CHD1: variants seen among roughly 807,000 people sequenced by gnomAD.
CHD1 encodes the protein ATP-dependent chromatin remodeler CHD1.
Under a neutral mutation model 224.2 loss-of-function variants are expected in CHD1, and 36 were observed. The observed-to-expected ratio is 0.16, with a 90% confidence interval of 0.12 to 0.21. CHD1 has a LOEUF of 0.21. CHD1 is among the 10% of genes least tolerant of loss of function. CHD1 has a pLI of 1.00. For missense variants in CHD1, 1,378 were observed against 1,994.8 expected, an observed-to-expected ratio of 0.69 and a Z score of 5.89; for synonymous variants, 668 against 658.3, an observed-to-expected ratio of 1.01 and a Z score of -0.23.
chr5:98,867,024 C>CG (rs1748925853), intron 31 of CHD1, among the ~76,000 whole-genome samples: 1 of 152,076 alleles, frequency 6.6e-6, no homozygotes, highest in Non-Finnish European at 1.5e-5. Flanking sequence ...TTACATGTAC[C>CG]AATTCATTTA....
At chr5:98,892,474 G>T in intron 15 of CHD1, 51 bp downstream of exon 15, 1 of 1,375,690 alleles carries the variant, frequency 7.3e-7, no homozygotes. Context: ...ACACAGACAT[G>T]GAAGGTTTTC....
rs201667770 is a variant in CHD1, at chr5:98,894,690, T to G, written c.1711-4A>C. The G allele has an allele frequency of 3.3e-4, 452 of 1,381,902 alleles. No individual in the cohort carries two copies. Among genetic ancestry groups the G allele is most frequent in the Non-Finnish European group, 4.3e-4 (429 of 999,524 alleles). 85.6% of individuals were successfully genotyped at this position (1,381,902 alleles called of 1,614,324 possible). On this transcript the variant is annotated splice_region_variant and splice_polypyrimidine_tract_variant and intron_variant, in intron 12 of 35. Coordinates refer to ENST00000614616, the MANE Select transcript of CHD1 (RefSeq NM_001270.4). ...GCGTCCATTCATGAGTTCTTATCTA[T>G]TAAGAAATTTGAAGGACAATTTTTA...
At chr5:98,896,757 A>C (rs1194767759) in intron 11 of CHD1, among the ~76,000 whole-genome samples, 1 of 149,358 alleles carries the variant, frequency 6.7e-6, no homozygotes, top group Admixed American at 6.8e-5. Context: ...CAGATATATT[A>C]AATAAGTAAA....
chr5:98,871,678 C>T (rs969701248), intron 28 of CHD1, among the ~76,000 whole-genome samples: 1 of 151,986 alleles, frequency 6.6e-6, no homozygotes, highest in Admixed American at 6.6e-5. Flanking sequence ...ATAAATGTTC[C>T]AGTTACCCTG....
chr5:98,899,186 G>C (rs1751531077), intron 8 of CHD1, among the ~76,000 whole-genome samples: 1 of 152,110 alleles, frequency 6.6e-6, no homozygotes, highest in Non-Finnish European at 1.5e-5. Context: ...ATCATCTCTA[G>C]ATGTTCTTAT....
At chr5:98,863,117 T>C (rs1748597832) in intron 32 of CHD1, among the ~76,000 whole-genome samples, 1 of 152,136 alleles carries the variant, frequency 6.6e-6, no homozygotes, top group African/African-American at 2.4e-5. Flanking sequence ...AATAATTTGG[T>C]AAATTGCAAA....
intron 15 of CHD1, chr5:98,889,834 G>A (rs1340809391): frequency 6.6e-6 from 1 of 151,970 alleles, no homozygotes; most frequent in Non-Finnish European, 1.5e-5. Flanking sequence ...CCATATTTTT[G>A]TATATATATC....
chr5:98,866,522 A>G (rs944476834), intron 31 of CHD1, among the ~76,000 whole-genome samples: 14 of 152,154 alleles, frequency 9.2e-5, no homozygotes, highest in Non-Finnish European at 1.8e-4. Flanking sequence ...AATGGGTTGA[A>G]AACAAATATA....
chr5:98,877,652 A>G (rs1178698723), intron 23 of CHD1, among the ~76,000 whole-genome samples: 1 of 152,230 alleles, frequency 6.6e-6, no homozygotes, highest in Non-Finnish European at 1.5e-5. Flanking sequence ...AGTTAAATGA[A>G]GTAAAAAATG....
At chr5:98,891,755 G>A (rs1187443555) in intron 15 of CHD1, among the ~76,000 whole-genome samples, 1 of 152,178 alleles carries the variant, frequency 6.6e-6, no homozygotes, top group Non-Finnish European at 1.5e-5. Flanking sequence ...AGGTTGCAGT[G>A]AGCCAAGATT....
chr5:98,878,622 C>T (rs556619724), intron 23 of CHD1, among the ~76,000 whole-genome samples: 1 of 152,202 alleles, frequency 6.6e-6, no homozygotes, highest in African/African-American at 2.4e-5. Flanking sequence ...ACTGAATAAA[C>T]ACCAACAAAT....
At chr5:98,882,457 C>T (rs529141595) in intron 19 of CHD1, among the ~76,000 whole-genome samples, 1 of 151,186 alleles carries the variant, frequency 6.6e-6, no homozygotes, top group South Asian at 2.1e-4. Context: ...CCTTCTTATA[C>T]TCGTTGCCTT....
Position 98,903,747 on chromosome 5 carries a change from G to A in CHD1, c.372+45C>T, listed in dbSNP as rs1288592119. On this transcript the variant is annotated intron_variant, in intron 4 of 35. Transcript: ENST00000614616. The stretch of plus-strand genomic sequence containing the variant: ...TCACAAATACTAGTTAACTGATTCA[G>A]CAGCATGTCCACTTTTAAAATAATA... 3.2e-6 allele frequency: 4 copies of A among 1,264,450 alleles called. No homozygotes were observed. In the African/African-American group the frequency reaches 4.4e-5, roughly 14 times the overall value. 78.3% of individuals were successfully genotyped at this position (1,264,450 alleles called of 1,614,324 possible).
chr5:98,864,523 A>G, intron 31 of CHD1, among the ~76,000 whole-genome samples: 1 of 132,392 alleles, frequency 7.6e-6, no homozygotes, highest in South Asian at 2.4e-4. Context: ...ATACCAAAAA[A>G]AAAAAAAAAA....
chr5:98,924,585 T>C (rs1023269143), intron 2 of CHD1, among the ~76,000 whole-genome samples: 1 of 152,240 alleles, frequency 6.6e-6, no homozygotes, highest in Non-Finnish European at 1.5e-5. Context: ...CTGCTTTCCA[T>C]AACTGTTCCT....
chr5:98,883,844 TA>T (rs1561507383), intron 18 of CHD1: 8 of 47,698 alleles, frequency 1.7e-4, no homozygotes, highest in African/African-American at 4.0e-4. Flanking sequence ...TATATATATA[TA>T]TATATATATA....
intron 33 of CHD1, among the ~76,000 whole-genome samples, chr5:98,859,673 C>T (rs72775613): frequency 3.3e-3 from 509 of 152,210 alleles, no homozygotes; most frequent in Non-Finnish European, 5.0e-3. Context: ...CTATTGGTGA[C>T]ATTAACTTTG....
intron 23 of CHD1, among the ~76,000 whole-genome samples, chr5:98,878,442 T>C (rs1749928383): frequency 6.6e-6 from 1 of 152,214 alleles, no homozygotes; most frequent in African/African-American, 2.4e-5. Context: ...GGCTTAAAAT[T>C]TAAGGAAGCA....
intron 32 of CHD1, chr5:98,860,476 A>C (rs1748385990): frequency 8.8e-6 from 2 of 226,768 alleles, no homozygotes; most frequent in African/African-American, 4.7e-5. Context: ...GCTTGTAAAG[A>C]ATTGTCTTAA....
Sources: gnomAD v4.1 joint callset for allele counts (sites outside exome capture counted in the v4.1 genomes callset) on GRCh38, gnomAD v4.1.1 for gene constraint, MANE v1.5 for transcripts, NCBI Gene and HGNC (gene_info 2026-07-23, HGNC 2026-07-21) for gene names.